Variants in ST3GAL3 observed in about 807,000 individuals in gnomAD.
The protein encoded by ST3GAL3 is ST3 beta-galactoside alpha-2,3-sialyltransferase 3.
A neutral mutation model predicts 50.1 loss-of-function variants in ST3GAL3; 21 were observed. That is an observed-to-expected ratio of 0.42 (90% CI 0.30 to 0.60). The LOEUF (loss-of-function observed/expected upper bound fraction) is 0.60. ST3GAL3 is among the 20% of genes least tolerant of loss of function. The probability of loss-of-function intolerance (pLI) is 0.19; values close to 1 mark genes in which losing one functional copy is unlikely to be tolerated. For missense variants in ST3GAL3, 353 were observed against 489.4 expected (o/e 0.72, Z 2.63); for synonymous variants, 183 against 190.0 (o/e 0.96, Z 0.30).
At chr1:43,889,294 C>T (rs2076393027) in intron 5 of ST3GAL3, among the ~76,000 whole-genome samples, 1 of 151,648 alleles carries the variant, frequency 6.6e-6, no homozygotes, top group South Asian at 2.1e-4. Context: ...AAAATGAATA[C>T]TGTATGGGAC....
intron 11 of ST3GAL3, among the ~76,000 whole-genome samples, chr1:43,926,312 G>T (rs1174881990): frequency 6.6e-6 from 1 of 152,192 alleles, no homozygotes; most frequent in Non-Finnish European, 1.5e-5. Flanking sequence ...CTTCTGGCCG[G>T]GCGCGGTCCC....
At chr1:43,850,333 T>A in intron 5 of ST3GAL3, 1 of 593,732 alleles carries the variant, frequency 1.7e-6, no homozygotes, top group Non-Finnish European at 2.9e-6. Flanking sequence ...GGGAAGAGAG[T>A]GAAGCTCTCA....
At chr1:43,917,840 T>C (rs980965619) in intron 9 of ST3GAL3, among the ~76,000 whole-genome samples, 1 of 147,566 alleles carries the variant, frequency 6.8e-6, no homozygotes, top group Non-Finnish European at 1.5e-5. Flanking sequence ...GGCTAATTTT[T>C]GTATTTTTTG....
At chr1:43,712,192 G>A (rs528208423) in intron 1 of ST3GAL3, among the ~76,000 whole-genome samples, 2 of 152,236 alleles carry the variant, frequency 1.3e-5, no homozygotes, top group African/African-American at 2.4e-5. Context: ...TGCAGAGCAC[G>A]TGGTTCACAG....
intron 1 of ST3GAL3, among the ~76,000 whole-genome samples, chr1:43,726,683 C>A (rs918652689): frequency 2.0e-5 from 3 of 152,230 alleles, no homozygotes; most frequent in Non-Finnish European, 4.4e-5. Flanking sequence ...CAGCCTCCGC[C>A]TGCCGAGTTC....
At chr1:43,867,316 T>C (rs1410707987) in intron 5 of ST3GAL3, among the ~76,000 whole-genome samples, 1 of 152,048 alleles carries the variant, frequency 6.6e-6, no homozygotes, top group East Asian at 1.9e-4. Context: ...AGTAGGAAAA[T>C]TGGAGGTGCC....
chr1:43,843,664 T>A (rs2065781698), intron 5 of ST3GAL3, among the ~76,000 whole-genome samples: 2 of 152,244 alleles, frequency 1.3e-5, no homozygotes, highest in Non-Finnish European at 2.9e-5. Flanking sequence ...ATATTTTTTA[T>A]GAAATGTTTG....
chr1:43,901,494 A>AC (rs2078264668), intron 9 of ST3GAL3, among the ~76,000 whole-genome samples: 1 of 152,368 alleles, frequency 6.6e-6, no homozygotes, highest in African/African-American at 2.4e-5. Context: ...AATGTCAGTT[A>AC]ATTCAAGGTT....
intron 3 of ST3GAL3, among the ~76,000 whole-genome samples, chr1:43,800,231 A>G (rs2059165933): frequency 6.6e-6 from 1 of 152,292 alleles, no homozygotes; most frequent in Admixed American, 6.5e-5. Context: ...GTAAACTTCT[A>G]AGTTATTTTA....
intron 5 of ST3GAL3, among the ~76,000 whole-genome samples, chr1:43,886,007 T>C (rs1006373306): frequency 6.6e-6 from 1 of 152,176 alleles, no homozygotes; most frequent in Non-Finnish European, 1.5e-5. Flanking sequence ...TCCATGACAC[T>C]CTGGGGTGAT....
At chr1:43,811,666 TCTC>T (rs1453742347) in intron 3 of ST3GAL3, among the ~76,000 whole-genome samples, 1 of 152,150 alleles carries the variant, frequency 6.6e-6, no homozygotes, top group Non-Finnish European at 1.5e-5. Context: ...CATGCAGTGT[TCTC>T]CTGCAGCCAG....
chr1:43,861,804 G>A (rs1282437502), intron 5 of ST3GAL3, among the ~76,000 whole-genome samples: 3 of 152,152 alleles, frequency 2.0e-5, no homozygotes, highest in African/African-American at 7.2e-5. Flanking sequence ...CAGGGCAGGC[G>A]GATCACCTGA....
At chr1:43,858,832 G>C (rs2069161755) in intron 5 of ST3GAL3, among the ~76,000 whole-genome samples, 1 of 152,250 alleles carries the variant, frequency 6.6e-6, no homozygotes, top group East Asian at 1.9e-4. Flanking sequence ...GAGCTAGAGG[G>C]GAGAAGGAGG....
At chr1:43,789,734 G>A (rs2057805709) in intron 2 of ST3GAL3, among the ~76,000 whole-genome samples, 2 of 152,102 alleles carry the variant, frequency 1.3e-5, no homozygotes, top group Admixed American at 6.5e-5. Context: ...TAGCCAGGCA[G>A]GCTGGCACAT....
At chr1:43,763,358 T>A (rs1475553617) in intron 2 of ST3GAL3, among the ~76,000 whole-genome samples, 1 of 152,242 alleles carries the variant, frequency 6.6e-6, no homozygotes, top group Non-Finnish European at 1.5e-5. Flanking sequence ...CTGGTTGTTA[T>A]ATTCCTTACA....
intron 3 of ST3GAL3, among the ~76,000 whole-genome samples, chr1:43,793,841 G>A (rs2058371664): frequency 6.6e-6 from 1 of 152,190 alleles, no homozygotes; most frequent in Admixed American, 6.5e-5. Flanking sequence ...TCAGCACTTT[G>A]GGAGGCTGAG....
In ST3GAL3 at chr1:43,809,263, C is replaced by T. The variant is rs531724966; in HGVS notation, c.167-5628C>T. On this transcript the variant is annotated intron_variant, in intron 3 of 11. Transcript: ENST00000347631. ...AGCATGAGAATATTAAGGAAAGGCA[C>T]GGAAGATATGAAAAAAAACTCCCAG... 1.1e-4 allele frequency among the ~76,000 whole-genome samples: 16 copies of T among 151,198 alleles called. No individual in the cohort carries two copies. In the South Asian group the frequency reaches 1.3e-3, roughly 12 times the overall value.
At chr1:43,851,688 AC>A in intron 5 of ST3GAL3, 1 of 1,327,848 alleles carries the variant, frequency 7.5e-7, no homozygotes, top group Non-Finnish European at 1.1e-6. Context: ...TCATGTGAGG[AC>A]CACAGGTCAG....
At chr1:43,813,081 A>G (rs554859687) in intron 3 of ST3GAL3, among the ~76,000 whole-genome samples, 1 of 152,312 alleles carries the variant, frequency 6.6e-6, no homozygotes, top group African/African-American at 2.4e-5. Flanking sequence ...ACATTCTCCT[A>G]CTTCCCTCAT....
Sources: gnomAD v4.1 joint callset for allele counts (sites outside exome capture counted in the v4.1 genomes callset) on GRCh38, gnomAD v4.1.1 for gene constraint, MANE v1.5 for transcripts, NCBI Gene and HGNC (gene_info 2026-07-23, HGNC 2026-07-21) for gene names.